PRRC1: variants seen among roughly 807,000 people sequenced by gnomAD.
PRRC1 encodes the protein proline rich coiled-coil 1, also known as protein PRRC1.
PRRC1 carries 39 observed loss-of-function variants against 40.7 expected under a neutral mutation model. The ratio of observed to expected loss-of-function variants is 0.96; its 90% CI spans 0.74 to 1.25. The LOEUF (loss-of-function observed/expected upper bound fraction) is 1.25. PRRC1 is among the 50% of genes most tolerant of loss of function. The pLI, the probability that PRRC1 is intolerant of heterozygous loss-of-function variation, is 0.00. For synonymous variants in PRRC1, 175 were observed against 193.3 expected (o/e 0.91, Z 0.79); for missense variants, 573 against 548.3 (o/e 1.05, Z -0.45).
In PRRC1 at chr5:127,517,699, A is replaced by G. The variant is rs971033980; in HGVS notation, c.-98A>G. The G allele has an allele frequency of 7.2e-5, 11 of 152,016 alleles. No individual in the cohort carries two copies. Among genetic ancestry groups the G allele is most frequent in the African/African-American group, 2.7e-4 (11 of 41,382 alleles). 9.4% of individuals were successfully genotyped at this position (152,016 alleles called of 1,614,324 possible). A position where few individuals can be genotyped will look rare whatever the true frequency, so the allele number is the denominator to read the frequency against. ...AGGGTGCGCCTTCGTTGTCTTCTCC[A>G]AGCTGTAGTTCTACGTCCCGACCTC... On this transcript the variant is annotated 5_prime_UTR_variant, in exon 1 of 9. Transcript: ENST00000296666.
In PRRC1 at chr5:127,551,946, T is replaced by G; in HGVS notation, c.*30T>G. ...AGACCTACCTGGGAGACTGAGACTTTCCCCCACTTTTAGCTTGATGTTAAA... is the reference window on the plus strand; with the variant it reads ...AGACCTACCTGGGAGACTGAGACTTGCCCCCACTTTTAGCTTGATGTTAAA... On this transcript the variant is annotated 3_prime_UTR_variant, in exon 9 of 9. Transcript: ENST00000296666. The G allele has an allele frequency of 6.2e-7, 1 of 1,612,508 alleles. No homozygotes were observed. The highest frequency in any genetic ancestry group is 8.5e-7 in the Non-Finnish European group (1 of 1,179,042).
intron 8 of PRRC1, chr5:127,549,520 AAAT>A (rs1768316744): frequency 6.6e-6 from 1 of 152,220 alleles, no homozygotes; most frequent in South Asian, 2.1e-4. Flanking sequence ...TATTTGCTAG[AAAT>A]AATCATACTA....
intron 7 of PRRC1, among the ~76,000 whole-genome samples, chr5:127,541,294 T>G (rs1768038826): frequency 6.6e-6 from 1 of 152,240 alleles, no homozygotes; most frequent in Admixed American, 6.5e-5. Context: ...TATTGAGGAT[T>G]CTTGCATCCA....
chr5:127,553,864 C>T lies in PRRC1; in HGVS notation c.*1948C>T. 1 of 1,535,722 alleles carries T rather than the reference C, an allele frequency of 6.5e-7. No homozygotes were observed. The highest frequency in any genetic ancestry group is 8.7e-7 in the Non-Finnish European group (1 of 1,146,650). ...TGGCTTGGTTGAAGCTAGAAATTTT[C>T]CTGCCCCTGGTGACCTGGTAAGCCT... On this transcript the variant is annotated 3_prime_UTR_variant, in exon 9 of 9. Transcript: ENST00000296666.
chr5:127,549,040 G>C (rs1003532307), intron 8 of PRRC1: 9 of 151,984 alleles, frequency 5.9e-5, no homozygotes, highest in African/African-American at 2.2e-4. Flanking sequence ...ATAGTTAAGA[G>C]TATTAGGTTG....
rs373321610 is a variant in PRRC1, at chr5:127,524,599, A to G, written c.172A>G (p.Thr58Ala). The G allele has an allele frequency of 4.3e-6, 7 of 1,613,438 alleles. No individual in the cohort carries two copies. Among genetic ancestry groups the G allele is most frequent in the African/African-American group, 2.7e-5 (2 of 74,676 alleles). The change falls in exon 3 of 9, where the codon ACT becomes GCT. Residue 58 changes from threonine (T) to alanine (A), a missense_variant. Thr to Ala is a moderately conservative substitution (Grantham distance 58). Coordinates refer to ENST00000296666, the MANE Select transcript of PRRC1 (RefSeq NM_130809.5). ...GTCCTTCCCACCACTCGCATACTCT[A>G]CTCCTCAGCCGCCCCTTCCTCCTGT... ...MESFPPLAYS[T>A]PQPPLPPVRP... is the part of the protein sequence containing the mutation.
Position 127,532,120 on chromosome 5 carries a change from T to G in PRRC1, c.758-1503T>G, listed in dbSNP as rs146127888. Among the ~76,000 whole-genome samples, 813 of 151,940 alleles carry G rather than the reference T, an allele frequency of 5.4e-3. 8 individuals carry two copies. The highest frequency in any genetic ancestry group is 0.017 in the African/African-American group (723 of 41,470). On this transcript the variant is annotated intron_variant, in intron 5 of 8. Transcript: ENST00000296666. ...TCTTAAGGTTTTTTTTTTTGTTGTT[T>G]TTTTTTTGAGGTGGAGTCTCACTCT... is the stretch of plus-strand genomic sequence containing the variant.
chr5:127,545,400 A>G (rs1269752811), intron 7 of PRRC1, among the ~76,000 whole-genome samples: 5 of 152,066 alleles, frequency 3.3e-5, no homozygotes, highest in African/African-American at 4.8e-5. Flanking sequence ...ATGTCCAACA[A>G]TGATAGACTG....
chr5:127,533,020 G>A (rs1485495930), intron 5 of PRRC1, among the ~76,000 whole-genome samples: 2 of 151,926 alleles, frequency 1.3e-5, no homozygotes, highest in African/African-American at 4.8e-5. Context: ...AAAAATATTT[G>A]AAAATATTTT....
intron 8 of PRRC1, 30 bp downstream of exon 8, chr5:127,547,951 G>A (rs759108582): frequency 7.3e-7 from 1 of 1,371,574 alleles, no homozygotes; most frequent in Admixed American, 1.7e-5. Context: ...TTTTCATTAT[G>A]CTCCAGAGAA....
rs1768461188 is a variant in PRRC1, at chr5:127,553,975, G to A, written c.*2059G>A. 6.9e-7 allele frequency: 1 copy of A among 1,453,472 alleles called. No individual in the cohort carries two copies. Among genetic ancestry groups the A allele is most frequent in the East Asian group, 2.5e-5 (1 of 39,598 alleles). 90.0% of individuals were successfully genotyped at this position (1,453,472 alleles called of 1,614,324 possible). The stretch of plus-strand genomic sequence containing the variant: ...ATACATGAACTGCTCTGGCCTCTCT[G>A]GTTCTGTTCTTGGCCCAGAGTTTTT... On this transcript the variant is annotated 3_prime_UTR_variant, in exon 9 of 9. Transcript: ENST00000296666.
At position 127,523,514 on chromosome 5, in the gene PRRC1, C is replaced by T. The variant is rs780297052; in HGVS notation, c.35C>T (p.Pro12Leu). 2 of 1,612,634 alleles carry T rather than the reference C, an allele frequency of 1.2e-6. No homozygotes were observed. Among genetic ancestry groups the T allele is most frequent in the East Asian group, 2.2e-5 (1 of 44,818 alleles). ...GAGAGTGGAATAGAGACAACACCAC[C>T]TGGGACTCCTCCACCAAATCCTGCA... ...MEESGIETTP[P>L]GTPPPNPAGL... is the part of the protein sequence containing the mutation. Residue 12 changes from proline (P) to leucine (L), a missense_variant, in exon 2 of 9, where the codon CCT becomes CTT. By Grantham distance (98) the Pro-to-Leu change is moderately conservative. Transcript: ENST00000296666.
At chr5:127,535,009 T>G (rs1767860564) in intron 6 of PRRC1, among the ~76,000 whole-genome samples, 1 of 152,158 alleles carries the variant, frequency 6.6e-6, no homozygotes, top group African/African-American at 2.4e-5. Flanking sequence ...CAGTTCTTGT[T>G]TTTCAACATA....
intron 1 of PRRC1, among the ~76,000 whole-genome samples, chr5:127,518,540 G>C (rs1202527601): frequency 6.6e-6 from 1 of 152,208 alleles, no homozygotes; most frequent in African/African-American, 2.4e-5. Flanking sequence ...CTCCTGTGCA[G>C]CCAGTGTTTA....
In PRRC1 at chr5:127,541,789, C is replaced by A. The variant is rs889875346; in HGVS notation, c.1025+2646C>A. 9.0e-5 allele frequency among the ~76,000 whole-genome samples: 13 copies of A among 145,208 alleles called. No individual in the cohort carries two copies. The East Asian group carries it at 2.5e-3, about 28-fold the overall frequency. Reference sequence around the variant, plus strand: ...TTTTTTTCTTTATTAGTCTTGCTAGCGGTCTATCAATTTTGTTGATCCTTT... The same window carrying A: ...TTTTTTTCTTTATTAGTCTTGCTAGAGGTCTATCAATTTTGTTGATCCTTT... On this transcript the variant is annotated intron_variant, in intron 7 of 8. Transcript: ENST00000296666.
chr5:127,552,301 A>G lies in PRRC1; in HGVS notation c.*385A>G. The G allele has an allele frequency of 9.7e-7, 1 of 1,032,726 alleles. No homozygotes were observed. The highest frequency in any genetic ancestry group is 1.2e-6 in the Non-Finnish European group (1 of 857,562). The allele number at this position is 1,032,726 out of a possible 1,614,324, so 64.0% of individuals were successfully genotyped here. Reference sequence around the variant, plus strand: ...AGAACATGTTGGTTGAATGTTTATAAAAGCATGATTTGCTTTGGCTTCATC... The same window carrying G: ...AGAACATGTTGGTTGAATGTTTATAGAAGCATGATTTGCTTTGGCTTCATC... On this transcript the variant is annotated 3_prime_UTR_variant, in exon 9 of 9. Transcript: ENST00000296666.
chr5:127,530,328 T>C lies in PRRC1; in HGVS notation c.689T>C (p.Leu230Pro). The C allele has an allele frequency of 1.2e-6, 2 of 1,613,984 alleles. No homozygotes were observed. The highest frequency in any genetic ancestry group is 1.7e-6 in the Non-Finnish European group (2 of 1,179,910). ...VAGNPMVKSV[L>P]DKTKHSVESM... The stretch of plus-strand genomic sequence containing the variant: ...GGGAATCCTATGGTGAAGTCTGTGC[T>C]TGATAAGACAAAACATTCAGTAGAA... Residue 230 changes from leucine to proline, a missense_variant, in exon 5 of 9, where the codon CTT (leucine) becomes CCT (proline). Physicochemically the swap from Leu to Pro is moderately conservative, Grantham distance 98 (BLOSUM62 -3). Coordinates refer to ENST00000296666, the MANE Select transcript of PRRC1 (RefSeq NM_130809.5).
intron 6 of PRRC1, among the ~76,000 whole-genome samples, chr5:127,535,293 GCA>G (rs910071872): frequency 2.0e-5 from 3 of 152,094 alleles, no homozygotes; most frequent in Admixed American, 1.3e-4. Context: ...TCTCATTAAG[GCA>G]CATCATTGTC....
At chr5:127,530,511 C>T (rs963643504) in intron 5 of PRRC1, 115 bp downstream of exon 5, 6 of 530,766 alleles carry the variant, frequency 1.1e-5, no homozygotes, top group South Asian at 4.1e-5. Flanking sequence ...AGTGGAAATT[C>T]TTATTATATT....
Sources: allele counts gnomAD v4.1 joint callset (sites outside exome capture counted in the v4.1 genomes callset), GRCh38; gene constraint gnomAD v4.1.1; transcripts MANE v1.5; gene names NCBI Gene and HGNC (gene_info 2026-07-23, HGNC 2026-07-21).